The following UBE2H variants were observed in gnomAD, a reference collection of about 807,000 sequenced individuals.
The protein encoded by UBE2H is ubiquitin-conjugating enzyme E2 H.
Under a neutral mutation model 29.0 loss-of-function variants are expected in UBE2H, and 3 were observed. That is an observed-to-expected ratio of 0.10 (90% CI 0.05 to 0.27). UBE2H has a LOEUF of 0.27. Ranked by LOEUF, UBE2H falls within the 10% of genes least tolerant of loss-of-function variation. UBE2H has a pLI of 1.00. For missense variants in UBE2H, 68 were observed against 228.2 expected (o/e 0.30, Z 4.52); for synonymous variants, 69 against 82.9 (o/e 0.83, Z 0.91).
intron 3 of UBE2H, among the ~76,000 whole-genome samples, chr7:129,868,999 C>T (rs1045729951): frequency 6.7e-6 from 1 of 150,242 alleles, no homozygotes; most frequent in East Asian, 2.0e-4. Flanking sequence ...TGCAATGGCG[C>T]GATCTCGGCT....
At chr7:129,845,747 A>C (rs1210036438) in intron 5 of UBE2H, among the ~76,000 whole-genome samples, 1 of 152,250 alleles carries the variant, frequency 6.6e-6, no homozygotes, top group Non-Finnish European at 1.5e-5. Context: ...TGAAAAATCT[A>C]AAAGACCACA....
chr7:129,864,903 T>A (rs1805871496), intron 3 of UBE2H: 2 of 236,788 alleles, frequency 8.4e-6, no homozygotes, highest in Non-Finnish European at 1.8e-5. Flanking sequence ...CAGATTAAAA[T>A]CAGAACTCCT....
intron 3 of UBE2H, among the ~76,000 whole-genome samples, chr7:129,872,117 C>T (rs1032921047): frequency 2.0e-5 from 3 of 152,218 alleles, no homozygotes; most frequent in African/African-American, 7.2e-5. Flanking sequence ...GGCCTCCCAA[C>T]GTGCTGGTAT....
At position 129,952,365 on chromosome 7, in the gene UBE2H, C is replaced by A. The variant is rs951508502; in HGVS notation, c.53+138G>T. 3 of 1,080,766 alleles carry A rather than the reference C, an allele frequency of 2.8e-6. No homozygotes were observed. The African/African-American group carries it at 4.8e-5, about 17-fold the overall frequency. 66.9% of individuals were successfully genotyped at this position (1,080,766 alleles called of 1,614,324 possible). On this transcript the variant is annotated intron_variant, in intron 1 of 6. Coordinates refer to ENST00000355621, the MANE Select transcript of UBE2H (RefSeq NM_003344.4). ...CCCCTGGGAGGTGCCAAGGAGCCGC[C>A]GTAGGCACTGGGGGAGGAGGGGAGT...
At chr7:129,861,760 GC>G (rs1805807764) in intron 3 of UBE2H, among the ~76,000 whole-genome samples, 1 of 151,952 alleles carries the variant, frequency 6.6e-6, no homozygotes, top group Non-Finnish European at 1.5e-5. Context: ...GGCATGTGGC[GC>G]CCACCTGTAG....
chr7:129,926,228 G>GGCCCGGCACAGTGGTCTCATGCCT (rs1807266413), intron 1 of UBE2H, among the ~76,000 whole-genome samples: 2 of 152,032 alleles, frequency 1.3e-5, no homozygotes, highest in South Asian at 4.1e-4. Flanking sequence ...TCCTGGCCTC[G>GGCCCGGCACAGTGGTCTCATGCCT]GCCCGGCACA....
chr7:129,908,772 A>G lies in UBE2H; in HGVS notation c.54-27801T>C, dbSNP rs181776624. On this transcript the variant is annotated intron_variant, in intron 1 of 6. Coordinates refer to ENST00000355621, the MANE Select transcript of UBE2H (RefSeq NM_003344.4). Reference sequence around the variant, plus strand: ...CAATCCACTTTCCAAGGGCCAATCTATGATTATCCCCAACAAAGACTGCCT... The same window carrying G: ...CAATCCACTTTCCAAGGGCCAATCTGTGATTATCCCCAACAAAGACTGCCT... Among the ~76,000 whole-genome samples, 12 of 152,312 alleles carry G rather than the reference A, an allele frequency of 7.9e-5. No individual in the cohort carries two copies. The East Asian group carries it at 2.1e-3, about 27-fold the overall frequency.
Position 129,907,368 on chromosome 7 carries a change from A to C in UBE2H, c.54-26397T>G, listed in dbSNP as rs558259369. Among the ~76,000 whole-genome samples the C allele has an allele frequency of 2.6e-5, 4 of 152,304 alleles. No individual in the cohort carries two copies. In the East Asian group the frequency reaches 7.7e-4, roughly 29 times the overall value. The stretch of plus-strand genomic sequence containing the variant: ...GGGGCTTGAGCCAGACTTTAAGGAA[A>C]GGCCAAGCAGTCAAGAAGGAATATG... On this transcript the variant is annotated intron_variant, in intron 1 of 6. Coordinates refer to ENST00000355621, the MANE Select transcript of UBE2H (RefSeq NM_003344.4).
intron 5 of UBE2H, among the ~76,000 whole-genome samples, chr7:129,848,519 G>T (rs898879085): frequency 2.0e-5 from 3 of 152,200 alleles, no homozygotes; most frequent in Non-Finnish European, 4.4e-5. Flanking sequence ...CAAGTCAATT[G>T]TTGTCTAGAA....
At chr7:129,941,095 C>T (rs770268046) in intron 1 of UBE2H, among the ~76,000 whole-genome samples, 4 of 152,328 alleles carry the variant, frequency 2.6e-5, no homozygotes, top group Admixed American at 6.5e-5. Context: ...GCCGGGACTA[C>T]AGGCGCAAGC....
intron 6 of UBE2H, among the ~76,000 whole-genome samples, chr7:129,835,830 C>G (rs2116255646): frequency 6.6e-6 from 1 of 152,322 alleles, no homozygotes; most frequent in East Asian, 1.9e-4. Context: ...ATTCAAAATG[C>G]AAGCCACACA....
At chr7:129,879,428 C>G in intron 3 of UBE2H, 140 bp downstream of exon 3, 1 of 749,908 alleles carries the variant, frequency 1.3e-6, no homozygotes, top group Non-Finnish European at 2.3e-6. Context: ...CCAAAAGTCA[C>G]TGATTAATTA....
intron 1 of UBE2H, among the ~76,000 whole-genome samples, chr7:129,894,245 G>A (rs1270709708): frequency 1.3e-5 from 2 of 152,136 alleles, no homozygotes; most frequent in African/African-American, 2.4e-5. Flanking sequence ...TTTGAGCTTA[G>A]AACTCTGATA....
At chr7:129,849,237 C>T (rs950333672) in intron 5 of UBE2H, among the ~76,000 whole-genome samples, 1 of 152,072 alleles carries the variant, frequency 6.6e-6, no homozygotes, top group Admixed American at 6.6e-5. Context: ...GATAGGCAGG[C>T]AGAATTCAAA....
At chr7:129,909,286 C>T (rs1353597945) in intron 1 of UBE2H, among the ~76,000 whole-genome samples, 1 of 152,172 alleles carries the variant, frequency 6.6e-6, no homozygotes. Context: ...AGGAGAGTGA[C>T]ATTCCCCGCC....
chr7:129,855,434 C>A (rs1027757908), intron 5 of UBE2H, among the ~76,000 whole-genome samples: 3 of 152,170 alleles, frequency 2.0e-5, no homozygotes, highest in African/African-American at 7.2e-5. Context: ...ACCAAAAAAA[C>A]CATCTTAAAA....
chr7:129,840,246 T>A (rs1805404405), intron 5 of UBE2H, among the ~76,000 whole-genome samples: 1 of 152,068 alleles, frequency 6.6e-6, no homozygotes, highest in Non-Finnish European at 1.5e-5. Context: ...AGTGCATAGG[T>A]GTGATCATAC....
intron 1 of UBE2H, among the ~76,000 whole-genome samples, chr7:129,930,157 T>C (rs1725077): frequency 0.58 from 88,056 of 152,042 alleles, 26,039 homozygotes; most frequent in Middle Eastern, 0.7. Flanking sequence ...CTCAGCACGC[T>C]TTACACTCTG....
chr7:129,836,706 C>G (rs1459143387), intron 6 of UBE2H, among the ~76,000 whole-genome samples: 1 of 151,632 alleles, frequency 6.6e-6, no homozygotes, highest in Non-Finnish European at 1.5e-5. Context: ...ATGGTGAAAC[C>G]CCATCTCTAC....
Sources: gnomAD v4.1 joint callset for allele counts (sites outside exome capture counted in the v4.1 genomes callset) on GRCh38, gnomAD v4.1.1 for gene constraint, MANE v1.5 for transcripts, NCBI Gene and HGNC (gene_info 2026-07-23, HGNC 2026-07-21) for gene names.